Variants in RELN observed in about 807,000 individuals in gnomAD.
RELN encodes the protein reelin.
In RELN, 108 loss-of-function variants were observed where a neutral mutation model predicts 427.6. That is an observed-to-expected ratio of 0.25 (90% CI 0.22 to 0.30). RELN has a LOEUF of 0.30. Among genes scored for constraint, RELN ranks in the 10% least tolerant of loss-of-function variants. The pLI is 1.00. For synonymous variants in RELN, 1,524 were observed against 1,513.4 expected, an observed-to-expected ratio of 1.01 and a Z score of -0.16; for missense variants, 3,715 against 4,302.8, an observed-to-expected ratio of 0.86 and a Z score of 3.82.
At chr7:103,739,339 T>C (rs1790580432) in intron 6 of RELN, among the ~76,000 whole-genome samples, 1 of 152,240 alleles carries the variant, frequency 6.6e-6, no homozygotes, top group South Asian at 2.1e-4. Context: ...GTCCCTTACA[T>C]TCTTCTGAAT....
intron 28 of RELN, among the ~76,000 whole-genome samples, chr7:103,578,581 G>T (rs1032327155): frequency 6.6e-6 from 1 of 152,116 alleles, no homozygotes; most frequent in Non-Finnish European, 1.5e-5. Flanking sequence ...GTTATGCCTG[G>T]TTCCTGATGT....
intron 28 of RELN, among the ~76,000 whole-genome samples, chr7:103,577,873 T>C (rs756016679): frequency 1.6e-4 from 24 of 152,166 alleles, no homozygotes; most frequent in Non-Finnish European, 2.6e-4. Context: ...CAGAGAAACA[T>C]GGATCCACAG....
intron 2 of RELN, among the ~76,000 whole-genome samples, chr7:103,881,865 T>C (rs764953710): frequency 6.6e-6 from 1 of 152,172 alleles, no homozygotes; most frequent in African/African-American, 2.4e-5. Context: ...CAGCAATGGA[T>C]ATACAAAACA....
rs181226670 is a variant in RELN at position 103,581,648 on chromosome 7, A to C, written c.4146-5943T>G. On this transcript the variant is annotated intron_variant, in intron 28 of 64. Transcript: ENST00000428762. ...TTTGTATATGCTCCTCTGTAGTGCA[A>C]CTTTAATGCACTTCTTATTAAAAAA... Among the ~76,000 whole-genome samples, 538 of 152,300 alleles carry C rather than the reference A, an allele frequency of 3.5e-3. 10 individuals carry two copies. Among genetic ancestry groups the C allele is most frequent in the Admixed American group, 0.033 (502 of 15,286 alleles).
chr7:103,695,372 T>A (rs1482733211), intron 10 of RELN, among the ~76,000 whole-genome samples: 4 of 152,100 alleles, frequency 2.6e-5, no homozygotes, highest in Admixed American at 1.3e-4. Context: ...AAAGATAATG[T>A]TATAAATCAT....
intron 11 of RELN, among the ~76,000 whole-genome samples, 163 bp downstream of exon 11, chr7:103,681,953 T>G (rs1833661105): frequency 6.6e-6 from 1 of 152,204 alleles, no homozygotes; most frequent in Non-Finnish European, 1.5e-5. Context: ...ATTATAAGCT[T>G]AGAATCTTTA....
At chr7:103,797,283 T>A (rs1389854265) in intron 3 of RELN, among the ~76,000 whole-genome samples, 1 of 152,032 alleles carries the variant, frequency 6.6e-6, no homozygotes, top group Non-Finnish European at 1.5e-5. Flanking sequence ...TTGTATTATT[T>A]TTAGTAGAGA....
At chr7:103,553,619 G>T (rs778555542) in intron 39 of RELN, 41 bp downstream of exon 39, 2 of 1,612,094 alleles carry the variant, frequency 1.2e-6, no homozygotes, top group South Asian at 2.2e-5. Flanking sequence ...ATCATGATTT[G>T]TATACAGCAG....
intron 11 of RELN, among the ~76,000 whole-genome samples, chr7:103,666,172 C>A (rs529320335): frequency 1.3e-5 from 2 of 151,804 alleles, no homozygotes; most frequent in African/African-American, 4.8e-5. Flanking sequence ...TCAAGCGAAC[C>A]GCCCACCTCA....
At chr7:103,840,136 C>G (rs1793518112) in intron 2 of RELN, among the ~76,000 whole-genome samples, 1 of 152,186 alleles carries the variant, frequency 6.6e-6, no homozygotes, top group African/African-American at 2.4e-5. Flanking sequence ...CCAATTAAAC[C>G]TATTTTCTTT....
chr7:103,616,961 T>G (rs1363902751), intron 20 of RELN, among the ~76,000 whole-genome samples: 1 of 152,214 alleles, frequency 6.6e-6, no homozygotes, highest in African/African-American at 2.4e-5. Flanking sequence ...CTTAAAAAGT[T>G]GACACTTATT....
At chr7:103,927,353 T>G (rs114063365) in intron 1 of RELN, among the ~76,000 whole-genome samples, 3 of 152,168 alleles carry the variant, frequency 2.0e-5, no homozygotes, top group Non-Finnish European at 4.4e-5. Flanking sequence ...ATTCATAAAA[T>G]CTAAAATTGT....
chr7:103,601,126 G>GTGTGTA (rs371441597), intron 24 of RELN, among the ~76,000 whole-genome samples: 1 of 152,002 alleles, frequency 6.6e-6, no homozygotes, highest in Admixed American at 6.6e-5. Context: ...GTGTGTGTGT[G>GTGTGTA]TGTGTATGTG....
intron 1 of RELN, among the ~76,000 whole-genome samples, chr7:103,932,346 T>G (rs1196651358): frequency 2.0e-5 from 3 of 152,110 alleles, no homozygotes; most frequent in African/African-American, 7.2e-5. Context: ...TGAGACCACA[T>G]GAACACAAAG....
intron 20 of RELN, among the ~76,000 whole-genome samples, chr7:103,619,712 A>G (rs1832171808): frequency 6.6e-6 from 1 of 152,226 alleles, no homozygotes; most frequent in Admixed American, 6.5e-5. Flanking sequence ...TGCAAAGCAC[A>G]GCATGGGCTG....
In RELN at chr7:103,633,267, A is replaced by T. The variant is rs539978582; in HGVS notation, c.2465+2158T>A. 1.4e-4 allele frequency among the ~76,000 whole-genome samples: 21 copies of T among 152,220 alleles called. No individual in the cohort carries two copies. The East Asian group carries it at 3.9e-3, about 28-fold the overall frequency. On this transcript the variant is annotated intron_variant, in intron 19 of 64. Coordinates refer to ENST00000428762, the MANE Select transcript of RELN (RefSeq NM_005045.4). The stretch of plus-strand genomic sequence containing the variant: ...GAATTCACGGCAATTACAGGCAGCA[A>T]TTTACACTGAAGGAAATATAGCAAA...
chr7:103,503,050 T>A lies in RELN; in HGVS notation c.8455A>T (p.Ile2819Phe). The change falls in exon 52 of 65, where the codon ATC (isoleucine) becomes TTC (phenylalanine). Residue 2819 changes from isoleucine to phenylalanine, a missense_variant. Ile to Phe is a conservative substitution (Grantham distance 21). Transcript: ENST00000428762. ...AAGCTTTCAGGAAGTGGGTAGGTGA[T>A]CCTTTTCCACCCTTTAGTTGGAAAG... ...VFFPTKGWKRITYPLPESLVG... is the reference protein window; with the variant it reads ...VFFPTKGWKRFTYPLPESLVG... 6.2e-7 allele frequency: 1 copy of A among 1,614,160 alleles called. No individual in the cohort carries two copies. The highest frequency in any genetic ancestry group is 8.5e-7 in the Non-Finnish European group (1 of 1,180,012).
At chr7:103,894,475 T>C (rs1395183415) in intron 2 of RELN, among the ~76,000 whole-genome samples, 2 of 152,122 alleles carry the variant, frequency 1.3e-5, no homozygotes, top group African/African-American at 4.8e-5. Context: ...AAATAAAAAG[T>C]TGAAAGCAGA....
chr7:103,838,210 A>C (rs1398359305), intron 2 of RELN, among the ~76,000 whole-genome samples: 2 of 3,438 alleles, frequency 5.8e-4, no homozygotes, highest in East Asian at 0.014. Flanking sequence ...CTTCGTCTCA[A>C]AAAAAAAAAA....
Sources: gnomAD v4.1 joint callset for allele counts (sites outside exome capture counted in the v4.1 genomes callset) on GRCh38, gnomAD v4.1.1 for gene constraint, MANE v1.5 for transcripts, NCBI Gene and HGNC (gene_info 2026-07-23, HGNC 2026-07-21) for gene names.